CNMD: variants seen among roughly 807,000 people sequenced by gnomAD.
CNMD encodes the protein leukocyte cell-derived chemotaxin 1.
A neutral mutation model predicts 37.5 loss-of-function variants in CNMD; 30 were observed. That is an observed-to-expected ratio of 0.80 (90% CI 0.60 to 1.09). The LOEUF (loss-of-function observed/expected upper bound fraction) is 1.09. Among genes scored for constraint, CNMD ranks in the 50% least tolerant of loss-of-function variants. The probability of loss-of-function intolerance (pLI) is 0.00; values close to 1 mark genes in which losing one functional copy is unlikely to be tolerated. For missense variants in CNMD, 398 were observed against 423.9 expected, an observed-to-expected ratio of 0.94 and a Z score of 0.54; for synonymous variants, 167 against 148.2, an observed-to-expected ratio of 1.13 and a Z score of -0.92.
In CNMD at chr13:52,712,762, G is replaced by C. The variant is rs775381625; in HGVS notation, c.576C>G (p.Leu192=). ...NSFLSSKVLE[L]CGDLPIFWLK... ...GCCAGAAAATAGGAAGGTCACCGCA[G>C]AGTTCTAACACCTTAGAACTCAAGA... Residue 192 remains leucine (L), a synonymous_variant, in exon 5 of 7, where the codon CTC becomes CTG. Transcript: ENST00000377962. The C allele has an allele frequency of 1.3e-6, 2 of 1,561,296 alleles. No homozygotes were observed. Among genetic ancestry groups the C allele is most frequent in the African/African-American group, 1.4e-5 (1 of 73,064 alleles).
intron 5 of CNMD, 110 bp downstream of exon 5, chr13:52,712,606 C>T (rs1490006730): frequency 6.5e-6 from 4 of 619,220 alleles, no homozygotes; most frequent in Non-Finnish European, 1.0e-5. Flanking sequence ...GACATGCATC[C>T]TGATTTATCC....
chr13:52,711,800 A>G (rs112061601), intron 5 of CNMD, among the ~76,000 whole-genome samples: 332 of 152,312 alleles, frequency 2.2e-3, no homozygotes, highest in African/African-American at 6.2e-3. Flanking sequence ...TTGCTGTGCA[A>G]TCATCACCAC....
chr13:52,708,533 C>G lies in CNMD; in HGVS notation c.789+3G>C. On this transcript the variant is annotated splice_donor_region_variant and intron_variant, in intron 6 of 6. Transcript: ENST00000377962. ...AATCATGTCAAAAAGCACCGGAACGCACATGATAAGGATTATCAGGATTGA... is the reference window on the plus strand; with the variant it reads ...AATCATGTCAAAAAGCACCGGAACGGACATGATAAGGATTATCAGGATTGA... 6.2e-7 allele frequency: 1 copy of G among 1,604,020 alleles called. No individual in the cohort carries two copies. The highest frequency in any genetic ancestry group is 8.5e-7 in the Non-Finnish European group (1 of 1,177,018).
At position 52,714,820 on chromosome 13, in the gene CNMD, T is replaced by C. The variant is rs60069165; in HGVS notation, c.469-1951A>G. Among the ~76,000 whole-genome samples, 1,088 of 152,242 alleles carry C rather than the reference T, an allele frequency of 7.1e-3. 13 individuals are homozygous for C. Among genetic ancestry groups the C allele is most frequent in the African/African-American group, 0.025 (1,056 of 41,542 alleles). On this transcript the variant is annotated intron_variant, in intron 4 of 6. Coordinates refer to ENST00000377962, the MANE Select transcript of CNMD (RefSeq NM_007015.3). ...TTCACCAAAACATTAGCATTAGCTT[T>C]TTGTGGATTATGCAATTGTAGGTAA...
Position 52,703,443 on chromosome 13 carries a change from T to C in CNMD, c.*152A>G. The C allele has an allele frequency of 1.7e-6, 1 of 576,344 alleles. No homozygotes were observed. Among genetic ancestry groups the C allele is most frequent in the South Asian group, 2.3e-5 (1 of 42,952 alleles). 35.7% of individuals were successfully genotyped at this position (576,344 alleles called of 1,614,324 possible). A position where few individuals can be genotyped will look rare whatever the true frequency, so the allele number is the denominator to read the frequency against. ...CATATACTAAAGTTCTGGAAAACAATTGAAAAAATTCTGTTAAGAGTGTCA... is the reference window on the plus strand; with the variant it reads ...CATATACTAAAGTTCTGGAAAACAACTGAAAAAATTCTGTTAAGAGTGTCA... On this transcript the variant is annotated 3_prime_UTR_variant, in exon 7 of 7. Coordinates refer to ENST00000377962, the MANE Select transcript of CNMD (RefSeq NM_007015.3).
intron 3 of CNMD, among the ~76,000 whole-genome samples, chr13:52,731,440 T>C (rs1964666516): frequency 6.6e-6 from 1 of 152,158 alleles, no homozygotes; most frequent in Non-Finnish European, 1.5e-5. Flanking sequence ...TCATGTGTTT[T>C]CAAAAGTTCA....
intron 3 of CNMD, among the ~76,000 whole-genome samples, chr13:52,731,746 T>C (rs1460579810): frequency 6.6e-6 from 1 of 152,270 alleles, no homozygotes; most frequent in African/African-American, 2.4e-5. Flanking sequence ...TCCCTTTGCA[T>C]ATCTTAATAT....
chr13:52,733,558 G>A (rs1269389089), intron 2 of CNMD, 199 bp from the exon 3 acceptor site: 3 of 665,700 alleles, frequency 4.5e-6, no homozygotes, highest in Non-Finnish European at 8.2e-6. Context: ...AATACCTTAA[G>A]AGTAAAGACT....
At chr13:52,725,255 C>A (rs1348348663) in intron 3 of CNMD, among the ~76,000 whole-genome samples, 4 of 152,180 alleles carry the variant, frequency 2.6e-5, no homozygotes, top group African/African-American at 9.7e-5. Context: ...GTATTTGAAT[C>A]TTTTCTGTTT....
At chr13:52,730,429 A>C (rs1964645621) in intron 3 of CNMD, among the ~76,000 whole-genome samples, 2 of 152,074 alleles carry the variant, frequency 1.3e-5, no homozygotes, top group South Asian at 4.2e-4. Flanking sequence ...ACTAGTTTAC[A>C]GTCCCACCAA....
intron 4 of CNMD, among the ~76,000 whole-genome samples, chr13:52,721,108 A>G (rs2138247643): frequency 6.6e-6 from 1 of 152,188 alleles, no homozygotes; most frequent in South Asian, 2.1e-4. Context: ...GTGAGAGGAA[A>G]ACTGCCTACT....
At chr13:52,722,872 T>A (rs1489386408) in intron 4 of CNMD, among the ~76,000 whole-genome samples, 1 of 152,234 alleles carries the variant, frequency 6.6e-6, no homozygotes, top group Non-Finnish European at 1.5e-5. Flanking sequence ...TTCAATGGGC[T>A]GAACCTGAAC....
rs148826154 is a variant in CNMD at position 52,707,227 on chromosome 13, A to G, written c.789+1309T>C. On this transcript the variant is annotated intron_variant, in intron 6 of 6. Coordinates refer to ENST00000377962, the MANE Select transcript of CNMD (RefSeq NM_007015.3). ...TTATTTTAAAAGCTAGCTACAAATAAATACCTATTCTACTTTTTCGCTCCC... is the reference window on the plus strand; with the variant it reads ...TTATTTTAAAAGCTAGCTACAAATAGATACCTATTCTACTTTTTCGCTCCC... Among the ~76,000 whole-genome samples the G allele has an allele frequency of 5.5e-3, 835 of 152,324 alleles. 2 individuals are homozygous for G. The highest frequency in any genetic ancestry group is 6.8e-3 in the Middle Eastern group (2 of 294).
At chr13:52,731,605 AC>A (rs2138270946) in intron 3 of CNMD, among the ~76,000 whole-genome samples, 1 of 152,362 alleles carries the variant, frequency 6.6e-6, no homozygotes, top group African/African-American at 2.4e-5. Context: ...CACAATCGAT[AC>A]CATTATTAGA....
At position 52,703,704 on chromosome 13, in the gene CNMD, G is replaced by A; in HGVS notation, c.896C>T (p.Pro299Leu). 6.2e-7 allele frequency: 1 copy of A among 1,614,060 alleles called. No individual in the cohort carries two copies. Among genetic ancestry groups the A allele is most frequent in the African/African-American group, 1.3e-5 (1 of 75,052 alleles). The stretch of plus-strand genomic sequence containing the variant: ...AGGCCATGGGTAATAGCCCCCCAGG[G>A]GTTCACAGATCTTCTGGCAGTGGGT... Reference protein sequence around the residue: ...SYTHCQKICEPLGGYYPWPYN... With the variant: ...SYTHCQKICELLGGYYPWPYN... The change falls in exon 7 of 7, where the codon CCC (proline) becomes CTC (leucine). Residue 299 changes from proline (P) to leucine (L), a missense_variant. Physicochemically the swap from Pro to Leu is moderately conservative, Grantham distance 98 (BLOSUM62 -3). Transcript: ENST00000377962.
chr13:52,732,622 T>C (rs1056654741), intron 3 of CNMD, among the ~76,000 whole-genome samples: 2 of 152,232 alleles, frequency 1.3e-5, no homozygotes, highest in Non-Finnish European at 2.9e-5. Flanking sequence ...GAGAAAAGTA[T>C]GCAAATAGAT....
In CNMD at chr13:52,738,832, G is replaced by A. The variant is rs550991524; in HGVS notation, c.213+199C>T. On this transcript the variant is annotated intron_variant, in intron 2 of 6. Coordinates refer to ENST00000377962, the MANE Select transcript of CNMD (RefSeq NM_007015.3). ...CTACTCTACGCTTCAATCTTCTCCC[G>A]TGAAACCTTCACTTGCTTTTCTACA... Among the ~76,000 whole-genome samples, 4 of 152,286 alleles carry A rather than the reference G, an allele frequency of 2.6e-5. No individual in the cohort carries two copies. The East Asian group carries it at 5.8e-4, about 22-fold the overall frequency.
rs1413329074 is a variant in CNMD at position 52,719,922 on chromosome 13, T to A, written c.468+4075A>T. 3.3e-5 allele frequency among the ~76,000 whole-genome samples: 5 copies of A among 152,228 alleles called. No individual in the cohort carries two copies. The East Asian group carries it at 9.6e-4, about 29-fold the overall frequency. ...CCTGGATAATATCCTGAAGAGTGTT[T>A]CCCAACTTGGTTCCATTCTCCCTGT... On this transcript the variant is annotated intron_variant, in intron 4 of 6. Coordinates refer to ENST00000377962, the MANE Select transcript of CNMD (RefSeq NM_007015.3).
chr13:52,733,560 G>A (rs1174255759), intron 2 of CNMD: 1 of 661,868 alleles, frequency 1.5e-6, no homozygotes, highest in South Asian at 1.5e-5. Flanking sequence ...TACCTTAAGA[G>A]TAAAGACTTT....
Sources: gnomAD v4.1 joint callset for allele counts (sites outside exome capture counted in the v4.1 genomes callset) on GRCh38, gnomAD v4.1.1 for gene constraint, MANE v1.5 for transcripts, NCBI Gene and HGNC (gene_info 2026-07-23, HGNC 2026-07-21) for gene names.